UBAC2: variants seen among roughly 807,000 people sequenced by gnomAD.
UBAC2 encodes ubiquitin-associated domain-containing protein 2.
UBAC2 carries 26 observed loss-of-function variants against 44.0 expected under a neutral mutation model. The observed-to-expected ratio is 0.59, with a 90% CI of 0.43 to 0.82. The LOEUF (loss-of-function observed/expected upper bound fraction) is 0.82, where lower values mean the gene tolerates loss of function less well. Ranked by LOEUF, UBAC2 falls within the 40% of genes least tolerant of loss-of-function variation. The pLI, the probability that UBAC2 is intolerant of heterozygous loss-of-function variation, is 0.00. For synonymous variants in UBAC2, 155 were observed against 154.3 expected, an observed-to-expected ratio of 1.00 and a Z score of -0.04; for missense variants, 329 against 419.4, an observed-to-expected ratio of 0.78 and a Z score of 1.88.
At chr13:99,233,237 C>T (rs527914795) in intron 1 of UBAC2, among the ~76,000 whole-genome samples, 6 of 152,052 alleles carry the variant, frequency 3.9e-5, no homozygotes, top group Admixed American at 6.5e-5. Flanking sequence ...CTCAGCCTCC[C>T]AAGTAGCTGG....
chr13:99,314,094 T>C lies in UBAC2; in HGVS notation c.390-3T>C, dbSNP rs2044451767. 1 of 1,596,350 alleles carries C rather than the reference T, an allele frequency of 6.3e-7. No homozygotes were observed. Among genetic ancestry groups the C allele is most frequent in the Middle Eastern group, 1.7e-4 (1 of 6,000 alleles). ...AGTGATTTTTTTTTATTTGTTTGCA[T>C]AGCCTGGCACCTGTGTTTGCTCTGT... On this transcript the variant is annotated splice_polypyrimidine_tract_variant and splice_region_variant and intron_variant, in intron 4 of 8. Coordinates refer to ENST00000403766, the MANE Select transcript of UBAC2 (RefSeq NM_001144072.2).
chr13:99,316,297 C>G (rs1005968461), intron 5 of UBAC2, among the ~76,000 whole-genome samples: 1 of 151,962 alleles, frequency 6.6e-6, no homozygotes, highest in African/African-American at 2.4e-5. Flanking sequence ...TAACTGAACT[C>G]CTTTGTGCTA....
At chr13:99,365,147 G>T (rs2045314439) in intron 7 of UBAC2, among the ~76,000 whole-genome samples, 1 of 152,074 alleles carries the variant, frequency 6.6e-6, no homozygotes. Flanking sequence ...TTAAAAATCT[G>T]CCATTATATC....
At chr13:99,254,648 T>G (rs1305826937) in intron 4 of UBAC2, 8 of 422,230 alleles carry the variant, frequency 1.9e-5, no homozygotes, top group Non-Finnish European at 3.4e-5. Flanking sequence ...CACATAGAAA[T>G]GCAAAAAGTT....
rs531735425 is a variant in UBAC2, at chr13:99,206,983, C to T, written c.31+6044C>T. Among the ~76,000 whole-genome samples the T allele has an allele frequency of 2.0e-5, 3 of 152,358 alleles. No homozygotes were observed. The South Asian group carries it at 6.2e-4, about 32-fold the overall frequency. On this transcript the variant is annotated intron_variant, in intron 1 of 8. Transcript: ENST00000403766. ...AATGAAGCAGCCTTCTCCTGAGGCCCACCCTCCACCGATTCTGAACTCTTT... is the reference window on the plus strand; with the variant it reads ...AATGAAGCAGCCTTCTCCTGAGGCCTACCCTCCACCGATTCTGAACTCTTT...
intron 7 of UBAC2, among the ~76,000 whole-genome samples, chr13:99,342,894 C>G (rs1363588440): frequency 1.3e-5 from 2 of 152,200 alleles, no homozygotes; most frequent in Non-Finnish European, 2.9e-5. Context: ...TTCCCCTGAT[C>G]GCTGTCTTTC....
chr13:99,288,045 G>A (rs1020837567), intron 4 of UBAC2, among the ~76,000 whole-genome samples: 2 of 152,276 alleles, frequency 1.3e-5, no homozygotes, highest in South Asian at 2.1e-4. Flanking sequence ...GCCAGGACTT[G>A]ATGGGAAAAT....
chr13:99,242,297 C>G (rs1227366735), intron 2 of UBAC2, among the ~76,000 whole-genome samples: 1 of 151,906 alleles, frequency 6.6e-6, no homozygotes, highest in Admixed American at 6.5e-5. Flanking sequence ...GTGCCCCTCA[C>G]CTCCCGGACG....
intron 8 of UBAC2, chr13:99,377,140 C>G (rs1231312254): frequency 2.6e-5 from 4 of 152,280 alleles, no homozygotes; most frequent in African/African-American, 4.8e-5. Context: ...CCTTCTCTAA[C>G]TGGTGCTGGG....
At chr13:99,213,299 C>T (rs2042955174) in intron 1 of UBAC2, among the ~76,000 whole-genome samples, 1 of 151,810 alleles carries the variant, frequency 6.6e-6, no homozygotes. Flanking sequence ...AGGTGATCTG[C>T]CTTTCTTGGC....
At chr13:99,270,167 T>C (rs1344680630) in intron 4 of UBAC2, among the ~76,000 whole-genome samples, 2 of 152,208 alleles carry the variant, frequency 1.3e-5, no homozygotes, top group Non-Finnish European at 2.9e-5. Context: ...GTTCCAAATT[T>C]TAACTACGTA....
chr13:99,261,985 A>G (rs2043669375), intron 4 of UBAC2, among the ~76,000 whole-genome samples: 1 of 152,214 alleles, frequency 6.6e-6, no homozygotes, highest in African/African-American at 2.4e-5. Context: ...GAAATAAACA[A>G]TTCATAAGTT....
At chr13:99,202,065 T>TC (rs1191832098) in intron 1 of UBAC2, among the ~76,000 whole-genome samples, 61 of 105,426 alleles carry the variant, frequency 5.8e-4, no homozygotes, top group African/African-American at 2.3e-3. Context: ...AAAGCGAGAC[T>TC]CCATCTCAAA....
chr13:99,299,464 A>G (rs867921184), intron 4 of UBAC2, among the ~76,000 whole-genome samples: 2 of 151,724 alleles, frequency 1.3e-5, no homozygotes, highest in African/African-American at 4.8e-5. Flanking sequence ...ACACACACGC[A>G]CACACACACA....
At chr13:99,253,102 T>C (rs999462508) in intron 4 of UBAC2, among the ~76,000 whole-genome samples, 2 of 150,142 alleles carry the variant, frequency 1.3e-5, no homozygotes, top group Non-Finnish European at 3.0e-5. Context: ...TATATAAAGA[T>C]ATAATATCTA....
At chr13:99,203,841 T>C (rs1027564275) in intron 1 of UBAC2, among the ~76,000 whole-genome samples, 22 of 152,206 alleles carry the variant, frequency 1.4e-4, no homozygotes, top group African/African-American at 4.6e-4. Context: ...TCAGAGTTTG[T>C]TGAAAACTCT....
At chr13:99,233,771 A>G (rs1161194201) in intron 1 of UBAC2, among the ~76,000 whole-genome samples, 2 of 152,070 alleles carry the variant, frequency 1.3e-5, no homozygotes, top group African/African-American at 4.8e-5. Flanking sequence ...TGTAAACCCT[A>G]GTGTAAGTCT....
chr13:99,325,383 A>C (rs2044627759), intron 6 of UBAC2, among the ~76,000 whole-genome samples: 1 of 152,162 alleles, frequency 6.6e-6, no homozygotes, highest in South Asian at 2.1e-4. Flanking sequence ...GATTACAGAC[A>C]TGAGCCACAG....
rs1257615596 is a variant in UBAC2, at chr13:99,364,925, CT to C, written c.808-2858del. On this transcript the variant is annotated intron_variant, in intron 7 of 8. Transcript: ENST00000403766. ...CTGCTGAGAACGTTCTAGTCCATGT[CT>C]TTTGATGAACATGTGTTTGAATTTC... is the stretch of plus-strand genomic sequence containing the variant. Among the ~76,000 whole-genome samples the C allele has an allele frequency of 3.9e-5, 6 of 152,272 alleles. No homozygotes were observed. In the East Asian group the frequency reaches 1.2e-3, roughly 29 times the overall value.
Sources: gnomAD v4.1 joint callset for allele counts (sites outside exome capture counted in the v4.1 genomes callset) on GRCh38, gnomAD v4.1.1 for gene constraint, MANE v1.5 for transcripts, NCBI Gene and HGNC (gene_info 2026-07-23, HGNC 2026-07-21) for gene names.